The following SLC25A31 variants were observed in gnomAD, a reference collection of about 807,000 sequenced individuals.
The protein encoded by SLC25A31 is ADP/ATP translocase 4.
Under a neutral mutation model 36.2 loss-of-function variants are expected in SLC25A31, and 40 were observed. The observed-to-expected ratio is 1.10, with a 90% CI of 0.86 to 1.44. The LOEUF is 1.44. Among genes scored for constraint, SLC25A31 ranks in the 40% most tolerant of loss-of-function variants. SLC25A31 has a pLI of 0.00. For synonymous variants in SLC25A31, 143 were observed against 149.7 expected, an observed-to-expected ratio of 0.96 and a Z score of 0.32; for missense variants, 350 against 397.1, an observed-to-expected ratio of 0.88 and a Z score of 1.01.
chr4:127,768,070 A>T (rs1429044381), intron 4 of SLC25A31, among the ~76,000 whole-genome samples: 1 of 151,932 alleles, frequency 6.6e-6, no homozygotes, highest in African/African-American at 2.4e-5. Context: ...AAGCAAAAAA[A>T]AATCCATGTT....
chr4:127,764,437 C>A, intron 3 of SLC25A31, 77 bp downstream of exon 3: 2 of 1,217,998 alleles, frequency 1.6e-6, no homozygotes. Context: ...ATTAATTGTG[C>A]TATAATAGTG....
At chr4:127,750,997 T>C (rs1163239043) in intron 2 of SLC25A31, among the ~76,000 whole-genome samples, 2 of 152,198 alleles carry the variant, frequency 1.3e-5, no homozygotes, top group Non-Finnish European at 2.9e-5. Flanking sequence ...TATAAGAGGC[T>C]TACTTTAGCC....
chr4:127,746,130 C>T (rs1731822013), intron 2 of SLC25A31, among the ~76,000 whole-genome samples: 1 of 152,274 alleles, frequency 6.6e-6, no homozygotes, highest in African/African-American at 2.4e-5. Flanking sequence ...CCACAAAATA[C>T]ATGATTTTGT....
intron 2 of SLC25A31, among the ~76,000 whole-genome samples, chr4:127,755,849 A>G (rs947356421): frequency 1.3e-5 from 2 of 152,194 alleles, no homozygotes; most frequent in Non-Finnish European, 2.9e-5. Context: ...GCTGGCCAAC[A>G]TGGTGAAACT....
intron 1 of SLC25A31, among the ~76,000 whole-genome samples, chr4:127,734,416 T>A (rs2148752022): frequency 6.6e-6 from 1 of 151,974 alleles, no homozygotes; most frequent in South Asian, 2.1e-4. Flanking sequence ...AAAAATTAGC[T>A]GGGCATGGTG....
chr4:127,744,022 T>C (rs1731778297), intron 1 of SLC25A31, among the ~76,000 whole-genome samples: 1 of 152,178 alleles, frequency 6.6e-6, no homozygotes. Context: ...TAAGGATAGT[T>C]CTGAATTTTA....
intron 1 of SLC25A31, among the ~76,000 whole-genome samples, chr4:127,741,486 G>T (rs1731731034): frequency 6.6e-6 from 1 of 152,030 alleles, no homozygotes; most frequent in Non-Finnish European, 1.5e-5. Context: ...TATGATTTTT[G>T]TCCTTCATTC....
intron 1 of SLC25A31, among the ~76,000 whole-genome samples, chr4:127,736,125 G>A (rs1414611222): frequency 2.0e-5 from 3 of 151,584 alleles, no homozygotes; most frequent in Non-Finnish European, 2.9e-5. Context: ...TCCTGACCTC[G>A]TGATCCGCCC....
chr4:127,735,245 T>A (rs1367919573), intron 1 of SLC25A31, among the ~76,000 whole-genome samples: 1 of 152,196 alleles, frequency 6.6e-6, no homozygotes, highest in Non-Finnish European at 1.5e-5. Context: ...TAGATTCCTA[T>A]ATACTATTCT....
At chr4:127,737,778 C>G (rs2148753568) in intron 1 of SLC25A31, among the ~76,000 whole-genome samples, 1 of 151,852 alleles carries the variant, frequency 6.6e-6, no homozygotes, top group Admixed American at 6.5e-5. Flanking sequence ...AGGCTGGTCT[C>G]AAACTTCTGG....
chr4:127,736,981 A>G (rs1187756088), intron 1 of SLC25A31, among the ~76,000 whole-genome samples: 1 of 152,162 alleles, frequency 6.6e-6, no homozygotes, highest in Non-Finnish European at 1.5e-5. Context: ...AAACGCTGAA[A>G]CCTGACTCCC....
Position 127,744,764 on chromosome 4 carries a change from C to T in SLC25A31, c.325C>T (p.Gln109Ter), listed in dbSNP as rs1195714272. The T allele has an allele frequency of 4.4e-6, 7 of 1,590,402 alleles. No individual in the cohort carries two copies. Among genetic ancestry groups the T allele is most frequent in the Non-Finnish European group, 6.0e-6 (7 of 1,163,934 alleles). The stretch of plus-strand genomic sequence containing the variant: ...CTTTGCTTTTAAGGACAAATACAAG[C>T]AGCTATTCATGTCTGGAGTTAATAA... Reference protein sequence around the residue: ...LNFAFKDKYKQLFMSGVNKEK... With the variant: ...LNFAFKDKYK The change falls in exon 2 of 6, where the codon CAG becomes TAG. Residue 109 changes from glutamine (Q) to a stop codon, truncating the protein, a stop_gained. Coordinates refer to ENST00000281154, the MANE Select transcript of SLC25A31 (RefSeq NM_031291.4). LOFTEE classifies it high-confidence loss of function.
chr4:127,749,139 A>G (rs1018823225), intron 2 of SLC25A31, among the ~76,000 whole-genome samples: 1 of 152,094 alleles, frequency 6.6e-6, no homozygotes. Flanking sequence ...CAGAACTGAA[A>G]AAGCTCAGTA....
intron 2 of SLC25A31, among the ~76,000 whole-genome samples, 179 bp from the exon 3 acceptor site, chr4:127,764,064 A>C (rs942939223): frequency 6.6e-6 from 1 of 152,248 alleles, no homozygotes; most frequent in East Asian, 1.9e-4. Context: ...AACAAAAGCT[A>C]TATGGCTATA....
chr4:127,747,815 A>G (rs946471044), intron 2 of SLC25A31, among the ~76,000 whole-genome samples: 4 of 152,214 alleles, frequency 2.6e-5, no homozygotes, highest in African/African-American at 9.6e-5. Context: ...CCTCAGGGTC[A>G]GTGACTAGAA....
Position 127,730,490 on chromosome 4 carries a change from G to A in SLC25A31, c.-56G>A. 1.9e-6 allele frequency: 3 copies of A among 1,551,176 alleles called. No individual in the cohort carries two copies. The highest frequency in any genetic ancestry group is 1.7e-5 in the Admixed American group (1 of 58,420). On this transcript the variant is annotated 5_prime_UTR_variant, in exon 1 of 6. Transcript: ENST00000281154. ...TTCCGGTTTTCCGCTTCCCTTCATC[G>A]TAGCTCCCGTACTCATTTTTAGCCA...
At chr4:127,750,470 T>G (rs1475514267) in intron 2 of SLC25A31, among the ~76,000 whole-genome samples, 1 of 152,232 alleles carries the variant, frequency 6.6e-6, no homozygotes, top group Non-Finnish European at 1.5e-5. Flanking sequence ...TTGAACCATT[T>G]GTATTGTCAA....
chr4:127,757,576 T>G (rs1732053706), intron 2 of SLC25A31, among the ~76,000 whole-genome samples: 1 of 152,232 alleles, frequency 6.6e-6, no homozygotes, highest in African/African-American at 2.4e-5. Context: ...TTTGTTATTG[T>G]GATTCGTGCT....
chr4:127,747,535 TTC>T (rs946354885), intron 2 of SLC25A31, among the ~76,000 whole-genome samples: 8 of 152,218 alleles, frequency 5.3e-5, no homozygotes, highest in Admixed American at 2.0e-4. Flanking sequence ...AGGTATTTTA[TTC>T]TCTTTGTGAC....
Sources: gnomAD v4.1 joint callset for allele counts (sites outside exome capture counted in the v4.1 genomes callset) on GRCh38, gnomAD v4.1.1 for gene constraint, MANE v1.5 for transcripts, NCBI Gene and HGNC (gene_info 2026-07-23, HGNC 2026-07-21) for gene names.